Variants in DLGAP2 observed in about 807,000 individuals in gnomAD.
DLGAP2 encodes the protein disks large-associated protein 2.
DLGAP2 carries 26 observed loss-of-function variants against 100.3 expected under a neutral mutation model. The observed-to-expected ratio is 0.26, with a 90% CI of 0.19 to 0.36. The LOEUF is 0.36. DLGAP2 is among the 10% of genes least tolerant of loss of function. The probability of loss-of-function intolerance (pLI) is 1.00; values close to 1 mark genes in which losing one functional copy is unlikely to be tolerated. For synonymous variants in DLGAP2, 886 were observed against 630.1 expected (o/e 1.41, Z -6.08); for missense variants, 1,858 against 1,453.2 (o/e 1.28, Z -4.53).
chr8:1,141,814 G>T (rs965392866), intron 2 of DLGAP2, among the ~76,000 whole-genome samples: 1 of 152,074 alleles, frequency 6.6e-6, no homozygotes, highest in Non-Finnish European at 1.5e-5. Context: ...GAATACTAAT[G>T]ATATTTATAC....
intron 1 of DLGAP2, among the ~76,000 whole-genome samples, chr8:854,576 T>G (rs1421295413): frequency 2.6e-5 from 4 of 152,054 alleles, no homozygotes; most frequent in Non-Finnish European, 1.5e-5. Context: ...CTGCATATGT[T>G]TGTGTGTTCA....
intron 3 of DLGAP2, among the ~76,000 whole-genome samples, chr8:1,304,217 GCTGGACT>G (rs1229755681): frequency 6.6e-6 from 1 of 152,190 alleles, no homozygotes; most frequent in African/African-American, 2.4e-5. Context: ...TTGTGTCCAC[GCTGGACT>G]CTTCCTGTAG....
intron 1 of DLGAP2, among the ~76,000 whole-genome samples, chr8:818,920 AG>A (rs1796535901): frequency 6.6e-6 from 1 of 152,210 alleles, no homozygotes; most frequent in African/African-American, 2.4e-5. Flanking sequence ...AATTTAATGG[AG>A]CAGTAACCAT....
intron 3 of DLGAP2, among the ~76,000 whole-genome samples, chr8:1,280,165 A>T (rs762324302): frequency 2.6e-4 from 39 of 152,036 alleles, no homozygotes; most frequent in Non-Finnish European, 4.1e-4. Context: ...TTCATTCCTG[A>T]TGGTTTTTCA....
intron 10 of DLGAP2, among the ~76,000 whole-genome samples, chr8:1,671,733 G>A (rs939997938): frequency 7.9e-5 from 12 of 152,322 alleles, no homozygotes; most frequent in African/African-American, 2.2e-4. Context: ...AGAAGCCAGC[G>A]GCAAGTCCCC....
In DLGAP2 at chr8:835,058, T is replaced by C. The variant is rs1242584275; in HGVS notation, c.19-72854T>C. Among the ~76,000 whole-genome samples, 48 of 152,204 alleles carry C rather than the reference T, an allele frequency of 3.2e-4. 1 individual carries two copies. Among genetic ancestry groups the C allele is most frequent in the Non-Finnish European group, 1.3e-4 (9 of 68,012 alleles). On this transcript the variant is annotated intron_variant, in intron 1 of 14. Transcript: ENST00000637795. ...GTTACTGCTCACATGTGTGCACGTG[T>C]TAGTGTGCATGTACATTGGTGTGCA... is the stretch of plus-strand genomic sequence containing the variant.
chr8:863,720 G>A (rs75594129), intron 1 of DLGAP2, among the ~76,000 whole-genome samples: 1 of 152,144 alleles, frequency 6.6e-6, no homozygotes, highest in Non-Finnish European at 1.5e-5. Flanking sequence ...AAAAGACAAA[G>A]ACAGCAGATG....
At chr8:889,626 A>G (rs1021394586) in intron 1 of DLGAP2, among the ~76,000 whole-genome samples, 5 of 152,214 alleles carry the variant, frequency 3.3e-5, no homozygotes, top group African/African-American at 1.2e-4. Context: ...CAAGCCATTC[A>G]GCTTCCCTGG....
chr8:1,334,692 A>G (rs915092238), intron 3 of DLGAP2, among the ~76,000 whole-genome samples: 4 of 152,116 alleles, frequency 2.6e-5, no homozygotes, highest in African/African-American at 9.7e-5. Flanking sequence ...ACTCCAGGGT[A>G]AACACCTCCA....
chr8:1,331,471 ACTC>A (rs1223700461), intron 3 of DLGAP2, among the ~76,000 whole-genome samples: 2 of 151,048 alleles, frequency 1.3e-5, no homozygotes, highest in African/African-American at 2.4e-5. Context: ...CAAACAACAG[ACTC>A]CTCCTGCCCA....
rs2469702 is a variant in DLGAP2, at chr8:1,701,349, C to G, written c.3111C>G (p.Ala1037=). ...KRAASFRQNS[A]SERADSIEIY... ...CGGCGTCCTTCCGGCAGAATTCCGC[C>G]TCCGAGCGCGCGGACAGCATCGAGA... The change falls in exon 15 of 15, where the codon GCC becomes GCG. Residue 1037 remains alanine (A), a synonymous_variant. Transcript: ENST00000637795. 1 of 1,590,486 alleles carries G rather than the reference C, an allele frequency of 6.3e-7. No individual in the cohort carries two copies. Among genetic ancestry groups the G allele is most frequent in the Admixed American group, 1.7e-5 (1 of 57,206 alleles).
At chr8:1,471,819 A>G (rs1012608310) in intron 3 of DLGAP2, among the ~76,000 whole-genome samples, 4 of 152,188 alleles carry the variant, frequency 2.6e-5, no homozygotes, top group East Asian at 1.9e-4. Context: ...GTGAAATCAC[A>G]TCAAACTCTC....
At chr8:741,418 A>G (rs574082616) in intron 1 of DLGAP2, among the ~76,000 whole-genome samples, 1 of 152,282 alleles carries the variant, frequency 6.6e-6, no homozygotes, top group South Asian at 2.1e-4. Flanking sequence ...TCATCTGCCT[A>G]TGAAAATCTT....
chr8:906,932 C>CT (rs1432697558), intron 1 of DLGAP2, among the ~76,000 whole-genome samples: 2 of 152,120 alleles, frequency 1.3e-5, no homozygotes, highest in East Asian at 3.9e-4. Flanking sequence ...GAGAATTGTT[C>CT]TTTTTTCAAT....
intron 1 of DLGAP2, among the ~76,000 whole-genome samples, chr8:813,068 C>G (rs1796400509): frequency 6.6e-6 from 1 of 152,182 alleles, no homozygotes; most frequent in Admixed American, 6.5e-5. Flanking sequence ...TTTGCTATAG[C>G]TGCTTCTTAG....
At chr8:1,256,458 T>G (rs1799220062) in intron 2 of DLGAP2, among the ~76,000 whole-genome samples, 1 of 132,372 alleles carries the variant, frequency 7.6e-6, no homozygotes, top group African/African-American at 3.6e-5. Context: ...CCAGGTGCTG[T>G]GCGTGTCCTC....
intron 2 of DLGAP2, among the ~76,000 whole-genome samples, chr8:1,158,280 T>A (rs1205554827): frequency 6.6e-6 from 1 of 152,222 alleles, no homozygotes; most frequent in African/African-American, 2.4e-5. Flanking sequence ...TATGGTGCAT[T>A]ATACTGAGGA....
intron 4 of DLGAP2, among the ~76,000 whole-genome samples, chr8:1,503,719 G>C (rs148756831): frequency 5.9e-5 from 9 of 152,122 alleles, no homozygotes; most frequent in Non-Finnish European, 1.2e-4. Context: ...TGTGCTTTGC[G>C]AGCTGCCTCT....
At chr8:1,150,637 G>A (rs978214760) in intron 2 of DLGAP2, among the ~76,000 whole-genome samples, 2 of 152,178 alleles carry the variant, frequency 1.3e-5, no homozygotes, top group Admixed American at 6.5e-5. Context: ...ATGCCCTGTT[G>A]ACAGGATTGG....
Sources: gnomAD v4.1 joint callset for allele counts (sites outside exome capture counted in the v4.1 genomes callset) on GRCh38, gnomAD v4.1.1 for gene constraint, MANE v1.5 for transcripts, NCBI Gene and HGNC (gene_info 2026-07-23, HGNC 2026-07-21) for gene names.